The following UTP20 variants were observed in gnomAD, a reference collection of about 807,000 sequenced individuals.
UTP20 encodes UTP20 small subunit processome component, also known as small subunit processome component 20 homolog.
A neutral mutation model predicts 329.5 loss-of-function variants in UTP20; 164 were observed. The observed-to-expected ratio is 0.50, with a 90% confidence interval of 0.44 to 0.57. UTP20 has a LOEUF of 0.57. Ranked by LOEUF, UTP20 falls within the 20% of genes least tolerant of loss-of-function variation. UTP20 has a pLI of 0.00. For synonymous variants in UTP20, 1,151 were observed against 1,159.3 expected (o/e 0.99, Z 0.14); for missense variants, 3,055 against 3,284.2 (o/e 0.93, Z 1.71).
chr12:101,288,451 A>G (rs1301996264), intron 5 of UTP20, among the ~76,000 whole-genome samples: 1 of 152,232 alleles, frequency 6.6e-6, no homozygotes, highest in Non-Finnish European at 1.5e-5. Context: ...AATAGTACCC[A>G]TCCCATAGAG....
chr12:101,327,981 C>T (rs1278396867), intron 26 of UTP20, among the ~76,000 whole-genome samples: 1 of 152,180 alleles, frequency 6.6e-6, no homozygotes, highest in Non-Finnish European at 1.5e-5. Context: ...AGGTATTTCA[C>T]CCATCGTAAC....
intron 26 of UTP20, 45 bp downstream of exon 26, chr12:101,327,292 G>A (rs1229247765): frequency 1.1e-5 from 16 of 1,485,104 alleles, no homozygotes; most frequent in Admixed American, 3.9e-5. Context: ...TGTCTGCGGT[G>A]GACTTCTCAC....
rs1296568372 is a variant in UTP20 at position 101,335,685 on chromosome 12, A to G, written c.3641+1181A>G. ...TAGTCTTGGTTTTTACAAGATTGGA[A>G]TCATACTGTACTGGCTTTTGATTTT... On this transcript the variant is annotated intron_variant, in intron 29 of 61. Transcript: ENST00000261637. 2.0e-5 allele frequency among the ~76,000 whole-genome samples: 3 copies of G among 152,206 alleles called. No homozygotes were observed. In the East Asian group the frequency reaches 5.8e-4, roughly 29 times the overall value.
chr12:101,353,186 G>T, intron 40 of UTP20, 57 bp downstream of exon 40: 1 of 1,231,950 alleles, frequency 8.1e-7, no homozygotes, highest in Non-Finnish European at 1.2e-6. Context: ...GATAGTGTAT[G>T]GTAATTAATT....
Position 101,375,649 on chromosome 12 carries a change from C to T in UTP20, c.7289C>T (p.Ala2430Val). The change falls in exon 56 of 62, where the codon GCT becomes GTT. Residue 2430 changes from alanine (A) to valine (V), a missense_variant. Ala to Val is a moderately conservative substitution (Grantham distance 64). Coordinates refer to ENST00000261637, the MANE Select transcript of UTP20 (RefSeq NM_014503.3). ...KDIMEETEEKAADRLLFSFLT... is the reference protein window; with the variant it reads ...KDIMEETEEKVADRLLFSFLT... ...ATCATGGAAGAAACTGAAGAAAAAGCTGCAGATCGCCTTCTGTTTAGTTTT... is the reference window on the plus strand; with the variant it reads ...ATCATGGAAGAAACTGAAGAAAAAGTTGCAGATCGCCTTCTGTTTAGTTTT... 1 of 1,611,356 alleles carries T rather than the reference C, an allele frequency of 6.2e-7. No homozygotes were observed. Among genetic ancestry groups the T allele is most frequent in the Non-Finnish European group, 8.5e-7 (1 of 1,179,240 alleles).
At chr12:101,306,939 C>T (rs1031196586) in intron 17 of UTP20, among the ~76,000 whole-genome samples, 178 bp downstream of exon 17, 8 of 151,910 alleles carry the variant, frequency 5.3e-5, no homozygotes, top group South Asian at 2.1e-4. Context: ...TTTGGGAGGC[C>T]GAGGCGGGCG....
intron 48 of UTP20, among the ~76,000 whole-genome samples, chr12:101,368,828 A>G (rs902414225): frequency 8.5e-5 from 13 of 152,228 alleles, no homozygotes; most frequent in African/African-American, 3.1e-4. Context: ...CTCTAGAGTC[A>G]AACAGGTAAT....
intron 51 of UTP20, among the ~76,000 whole-genome samples, chr12:101,372,574 C>T (rs1870330137): frequency 6.6e-6 from 1 of 152,242 alleles, no homozygotes; most frequent in African/African-American, 2.4e-5. Context: ...CCTGTCACCA[C>T]CTGTCACAGA....
intron 15 of UTP20, among the ~76,000 whole-genome samples, chr12:101,305,413 G>A (rs899992099): frequency 1.3e-5 from 2 of 151,484 alleles, no homozygotes; most frequent in Non-Finnish European, 2.9e-5. Flanking sequence ...CACTGCTTAT[G>A]AGTAATGGTG....
intron 11 of UTP20, among the ~76,000 whole-genome samples, chr12:101,294,862 A>G (rs1370113046): frequency 2.0e-5 from 3 of 152,184 alleles, no homozygotes; most frequent in Non-Finnish European, 2.9e-5. Context: ...CTTAGAGTTT[A>G]TAATTGCCTC....
intron 35 of UTP20, among the ~76,000 whole-genome samples, chr12:101,343,369 A>G (rs894060758): frequency 1.3e-5 from 2 of 152,212 alleles, no homozygotes; most frequent in African/African-American, 4.8e-5. Flanking sequence ...GATGAAGTAC[A>G]TTAGGTCACT....
chr12:101,295,726 TA>T, intron 12 of UTP20, 68 bp downstream of exon 12: 1 of 1,444,164 alleles, frequency 6.9e-7, no homozygotes, highest in Non-Finnish European at 9.2e-7. Flanking sequence ...GTATCAAGAA[TA>T]CTGTAAAAAA....
chr12:101,362,740 A>G (rs1427398066), intron 44 of UTP20, among the ~76,000 whole-genome samples: 1 of 132,756 alleles, frequency 7.5e-6, no homozygotes, highest in Non-Finnish European at 1.5e-5. Context: ...ATAGTATACT[A>G]ATTTGGAGGC....
At chr12:101,303,534 G>A (rs1310364233) in intron 15 of UTP20, among the ~76,000 whole-genome samples, 1 of 152,182 alleles carries the variant, frequency 6.6e-6, no homozygotes, top group East Asian at 1.9e-4. Flanking sequence ...AGACCTGGAG[G>A]CGACATGAAT....
rs1423969291 is a variant in UTP20 at position 101,344,576 on chromosome 12, T to C, written c.4450-19T>C. ...GTTATTACAGAGAATAATTTCTTTTTTATTTCTCTTTTTTGCAGTTAGGAG... is the reference window on the plus strand; with the variant it reads ...GTTATTACAGAGAATAATTTCTTTTCTATTTCTCTTTTTTGCAGTTAGGAG... On this transcript the variant is annotated intron_variant, in intron 35 of 61. Transcript: ENST00000261637. 3.3e-6 allele frequency: 3 copies of C among 902,900 alleles called. No homozygotes were observed. The highest frequency in any genetic ancestry group is 4.8e-5 in the East Asian group (2 of 41,826). 55.9% of individuals were successfully genotyped at this position (902,900 alleles called of 1,614,324 possible).
At chr12:101,382,352 C>T (rs1029074803) in intron 58 of UTP20, among the ~76,000 whole-genome samples, 4 of 152,000 alleles carry the variant, frequency 2.6e-5, no homozygotes, top group East Asian at 1.9e-4. Context: ...GAGCCGAGAT[C>T]GCACCACTGC....
rs201214965 is a variant in UTP20, at chr12:101,317,578, G to C, written c.2653G>C (p.Ala885Pro). The change falls in exon 22 of 62, where the codon GCA (alanine) becomes CCA (proline). Residue 885 changes from alanine (A) to proline (P), a missense_variant. This residue lies in a region of UTP20 where 2,445 missense variants were observed against 2,575.5 expected (regional missense o/e 0.95). Coordinates refer to ENST00000261637, the MANE Select transcript of UTP20 (RefSeq NM_014503.3). ...VAEEIEEEPAAGDDEELEEEA... is the reference protein window; with the variant it reads ...VAEEIEEEPAPGDDEELEEEA... ...AGAGGAAATCGAAGAGGAACCTGCCGCAGGAGATGATGAAGAGTTGGAGGA... is the reference window on the plus strand; with the variant it reads ...AGAGGAAATCGAAGAGGAACCTGCCCCAGGAGATGATGAAGAGTTGGAGGA... 2 of 1,614,188 alleles carry C rather than the reference G, an allele frequency of 1.2e-6. No individual in the cohort carries two copies. Among genetic ancestry groups the C allele is most frequent in the Non-Finnish European group, 1.7e-6 (2 of 1,180,024 alleles).
intron 27 of UTP20, among the ~76,000 whole-genome samples, chr12:101,331,370 CAG>C (rs1404111950): frequency 6.6e-6 from 1 of 152,114 alleles, no homozygotes; most frequent in African/African-American, 2.4e-5. Context: ...TTTCAAATAT[CAG>C]GGATAATTTT....
chr12:101,373,937 T>G (rs1170443140), intron 54 of UTP20, among the ~76,000 whole-genome samples, 170 bp downstream of exon 54: 3 of 152,220 alleles, frequency 2.0e-5, no homozygotes, highest in Non-Finnish European at 4.4e-5. Context: ...GTGTAAGAAG[T>G]TATAAAAAGT....
Sources: gnomAD v4.1 joint callset for allele counts (sites outside exome capture counted in the v4.1 genomes callset) on GRCh38, gnomAD v4.1.1 for gene constraint, gnomAD v4.1.1 regional missense constraint, MANE v1.5 for transcripts, NCBI Gene and HGNC (gene_info 2026-07-23, HGNC 2026-07-21) for gene names.